The following PJVK variants were observed in gnomAD, a reference collection of about 807,000 sequenced individuals.
The protein encoded by PJVK is pejvakin.
A neutral mutation model predicts 37.6 loss-of-function variants in PJVK; 33 were observed. The ratio of observed to expected loss-of-function variants is 0.88; its 90% CI spans 0.67 to 1.17. The LOEUF (loss-of-function observed/expected upper bound fraction) is 1.17. Ranked by LOEUF, PJVK falls within the 50% of genes most tolerant of loss-of-function variation. The pLI is 0.00. For missense variants in PJVK, 410 were observed against 413.8 expected (o/e 0.99, Z 0.08); for synonymous variants, 141 against 143.5 (o/e 0.98, Z 0.13).
In PJVK at chr2:178,456,125, G is replaced by T. The variant is rs1489020507; in HGVS notation, c.523G>T (p.Ala175Ser). Residue 175 changes from alanine (A) to serine (S), a missense_variant, in exon 4 of 7, where the codon GCT (alanine) becomes TCT (serine). Transcript: ENST00000644580. ...ACGACAGTGCTCACTGTCTGTGCAT[G>T]CTGGAATTCGAGGGGAAGCAATGCG... ...TTRQCSLSVHAGIRGEAMRFH... is the reference protein window; with the variant it reads ...TTRQCSLSVHSGIRGEAMRFH... 6.2e-7 allele frequency: 1 copy of T among 1,614,118 alleles called. No individual in the cohort carries two copies.
intron 5 of PJVK, 23 bp from the exon 6 acceptor site, chr2:178,460,325 T>A (rs1684404979): frequency 6.3e-7 from 1 of 1,581,056 alleles, no homozygotes; most frequent in Non-Finnish European, 8.7e-7. Context: ...AGTTATAACA[T>A]CTTCTAACAA....
At chr2:178,456,560 G>A (rs1227092733) in intron 4 of PJVK, among the ~76,000 whole-genome samples, 1 of 152,160 alleles carries the variant, frequency 6.6e-6, no homozygotes, top group Non-Finnish European at 1.5e-5. Flanking sequence ...GCAGTCAGGA[G>A]TTGGAGATCA....
chr2:178,455,948 T>C (rs187160848), intron 3 of PJVK, 62 bp from the exon 4 acceptor site: 1 of 1,578,790 alleles, frequency 6.3e-7, no homozygotes, highest in East Asian at 2.3e-5. Flanking sequence ...TAGCAAAAAA[T>C]GTATTTGATT....
rs1054414681 is a variant in PJVK at position 178,452,249 on chromosome 2, C to T, written c.-23+480C>T. ...CAAATGTTGCAGTGAGCCGAGATCG[C>T]GCCACTGCACTCCAGCCTGGGCGAC... On this transcript the variant is annotated intron_variant, in intron 1 of 6. Coordinates refer to ENST00000644580, the MANE Select transcript of PJVK (RefSeq NM_001042702.5). 127 of 953,852 alleles carry T rather than the reference C, an allele frequency of 1.3e-4. 2 individuals are homozygous for T. The Admixed American group carries it at 1.7e-3, about 13-fold the overall frequency. 59.1% of individuals were successfully genotyped at this position (953,852 alleles called of 1,614,324 possible).
At position 178,454,366 on chromosome 2, in the gene PJVK, T is replaced by A; in HGVS notation, c.246T>A (p.Asp82Glu). Residue 82 changes from aspartate to glutamate, a missense_variant, in exon 3 of 7, where the codon GAT becomes GAA. Transcript: ENST00000644580. ...CTTATCAATTACTGAATTATGAAGA[T>A]GAATCAGATGTTTCACTCTATGGAA... is the stretch of plus-strand genomic sequence containing the variant. ...ISSYQLLNYE[D>E]ESDVSLYGRR... 1 of 1,613,628 alleles carries A rather than the reference T, an allele frequency of 6.2e-7. No individual in the cohort carries two copies. The highest frequency in any genetic ancestry group is 8.5e-7 in the Non-Finnish European group (1 of 1,179,840).
chr2:178,457,996 A>G (rs1201219600), intron 4 of PJVK, among the ~76,000 whole-genome samples: 2 of 152,242 alleles, frequency 1.3e-5, no homozygotes, highest in Non-Finnish European at 1.5e-5. Flanking sequence ...TTCAAGGATA[A>G]TCTTTTCAAG....
intron 1 of PJVK, chr2:178,452,292 C>T (rs1354196215): frequency 1.5e-6 from 1 of 685,674 alleles, no homozygotes; most frequent in Admixed American, 1.3e-4. Context: ...GACTCCCTCT[C>T]AAAAAAAAAA....
intron 1 of PJVK, chr2:178,452,541 C>T: frequency 1.0e-6 from 1 of 985,368 alleles, no homozygotes; most frequent in Non-Finnish European, 1.2e-6. Flanking sequence ...CTCCGCATAA[C>T]ACCTATGGCA....
intron 6 of PJVK, 133 bp from the exon 7 acceptor site, chr2:178,460,849 A>T: frequency 7.4e-5 from 6 of 80,642 alleles, no homozygotes; most frequent in African/African-American, 4.5e-4. Flanking sequence ...ACCCTGTCTC[A>T]AAAAAAAAAA....
intron 3 of PJVK, among the ~76,000 whole-genome samples, chr2:178,455,714 C>T (rs1278770397): frequency 6.6e-6 from 1 of 151,662 alleles, no homozygotes; most frequent in Admixed American, 6.6e-5. Flanking sequence ...TGGCTCTACA[C>T]ACATTTGCTT....
chr2:178,460,200 C>T, intron 5 of PJVK, 148 bp from the exon 6 acceptor site: 1 of 679,640 alleles, frequency 1.5e-6, no homozygotes, highest in Non-Finnish European at 2.5e-6. Flanking sequence ...AATTTTGTAC[C>T]ATGTGAATGT....
chr2:178,455,191 G>A, intron 3 of PJVK: 1 of 1,589,092 alleles, frequency 6.3e-7, no homozygotes, highest in Non-Finnish European at 8.6e-7. Context: ...AGATGGAGTG[G>A]TGGAGCCGCT....
Position 178,461,355 on chromosome 2 carries a change from GATGAATTAAATTAAA to G in PJVK, c.*86_*100del. On this transcript the variant is annotated 3_prime_UTR_variant, in exon 7 of 7. Transcript: ENST00000644580. ...TCCCTAAATTATCTAGGTTTGCTTTGATGAATTAAATTAAAATGAGAAAAGCAAAAAGAAATTAAC... is the reference window on the plus strand; with the variant it reads ...TCCCTAAATTATCTAGGTTTGCTTTGATGAGAAAAGCAAAAAGAAATTAAC... 1.3e-6 allele frequency: 2 copies of G among 1,517,070 alleles called. No homozygotes were observed. The highest frequency in any genetic ancestry group is 1.8e-6 in the Non-Finnish European group (2 of 1,107,044). 94.0% of individuals were successfully genotyped at this position (1,517,070 alleles called of 1,614,324 possible).
At chr2:178,454,770 A>C (rs996301609) in intron 3 of PJVK, 1 of 1,581,692 alleles carries the variant, frequency 6.3e-7, no homozygotes, top group African/African-American at 1.4e-5. Flanking sequence ...AGAGGCAGAG[A>C]GGCTGCAGCT....
rs1477237321 is a variant in PJVK at position 178,460,902 on chromosome 2, CA to C, written c.767-79del. On this transcript the variant is annotated intron_variant, in intron 6 of 6. Transcript: ENST00000644580. ...AATTATTTCATGACTAGTGGATTCA[CA>C]TATTTATTAATGCTGTTTGCATTAT... 8 of 984,034 alleles carry C rather than the reference CA, an allele frequency of 8.1e-6. No individual in the cohort carries two copies. The Admixed American group carries it at 1.5e-4, about 19-fold the overall frequency. 61.0% of individuals were successfully genotyped at this position (984,034 alleles called of 1,614,324 possible). A position where few individuals can be genotyped will look rare whatever the true frequency, so the allele number is the denominator to read the frequency against.
chr2:178,457,968 A>G (rs1314273306), intron 4 of PJVK, among the ~76,000 whole-genome samples: 2 of 152,252 alleles, frequency 1.3e-5, no homozygotes, highest in East Asian at 1.9e-4. Context: ...ATTAAAACCA[A>G]TTGTTAGAAA....
At chr2:178,455,093 G>A (rs1486596801) in intron 3 of PJVK, 1 of 1,576,420 alleles carries the variant, frequency 6.3e-7, no homozygotes, top group African/African-American at 1.3e-5. Flanking sequence ...CATCGATGGG[G>A]AGCTCTACAA....
In PJVK at chr2:178,458,506, A is replaced by G. The variant is rs750999970; in HGVS notation, c.550-4A>G. The stretch of plus-strand genomic sequence containing the variant: ...TAATTATGTTATTTATTTATTCAAT[A>G]TAGTTTCACTTTATGGATGAACAGA... On this transcript the variant is annotated splice_region_variant and splice_polypyrimidine_tract_variant and intron_variant, in intron 4 of 6. Transcript: ENST00000644580. 10 of 1,579,206 alleles carry G rather than the reference A, an allele frequency of 6.3e-6. No individual in the cohort carries two copies. The highest frequency in any genetic ancestry group is 7.8e-6 in the Non-Finnish European group (9 of 1,148,406).
At chr2:178,451,890 G>C in intron 1 of PJVK, 121 bp downstream of exon 1, 1 of 975,150 alleles carries the variant, frequency 1.0e-6, no homozygotes, top group Non-Finnish European at 1.2e-6. Flanking sequence ...TAGATGACGT[G>C]TCGCTTCTCC....
Sources: allele counts gnomAD v4.1 joint callset (sites outside exome capture counted in the v4.1 genomes callset), GRCh38; gene constraint gnomAD v4.1.1; transcripts MANE v1.5; gene names NCBI Gene and HGNC (gene_info 2026-07-23, HGNC 2026-07-21).